CNTNAP2: variants seen among roughly 807,000 people sequenced by gnomAD.
The protein encoded by CNTNAP2 is contactin-associated protein-like 2.
A neutral mutation model predicts 155.2 loss-of-function variants in CNTNAP2; 98 were observed. That is an observed-to-expected ratio of 0.63 (90% CI 0.54 to 0.75). The LOEUF is 0.75. Ranked by LOEUF, CNTNAP2 falls within the 30% of genes least tolerant of loss-of-function variation. The pLI is 0.00. For missense variants in CNTNAP2, 1,727 were observed against 1,688.1 expected (o/e 1.02, Z -0.40); for synonymous variants, 651 against 631.2 (o/e 1.03, Z -0.47).
intron 10 of CNTNAP2, among the ~76,000 whole-genome samples, chr7:147,445,535 G>T (rs1277892172): frequency 6.6e-6 from 1 of 152,142 alleles, no homozygotes; most frequent in Non-Finnish European, 1.5e-5. Flanking sequence ...AATGTACTTA[G>T]CACTGTTTTG....
At chr7:146,307,184 A>G (rs1379983825) in intron 1 of CNTNAP2, among the ~76,000 whole-genome samples, 1 of 152,130 alleles carries the variant, frequency 6.6e-6, no homozygotes, top group East Asian at 1.9e-4. Flanking sequence ...ACACACCAAT[A>G]ACAGACAAAC....
At chr7:147,829,694 C>T (rs771005105) in intron 13 of CNTNAP2, among the ~76,000 whole-genome samples, 10 of 152,152 alleles carry the variant, frequency 6.6e-5, no homozygotes, top group Non-Finnish European at 1.5e-4. Context: ...CTACTACTTT[C>T]CAGTGTTAAA....
chr7:147,900,225 T>G (rs1799845250), intron 13 of CNTNAP2, among the ~76,000 whole-genome samples: 1 of 152,176 alleles, frequency 6.6e-6, no homozygotes, highest in Non-Finnish European at 1.5e-5. Context: ...GGTTTGGCTG[T>G]GTCCCCACCC....
intron 1 of CNTNAP2, among the ~76,000 whole-genome samples, chr7:146,761,455 A>C (rs1331335347): frequency 6.6e-6 from 1 of 152,120 alleles, no homozygotes; most frequent in African/African-American, 2.4e-5. Flanking sequence ...TCATTTATCC[A>C]AGAGAAAATG....
intron 1 of CNTNAP2, among the ~76,000 whole-genome samples, chr7:146,743,958 C>G (rs1029224817): frequency 6.6e-6 from 1 of 152,052 alleles, no homozygotes; most frequent in Admixed American, 6.5e-5. Context: ...AGTGGTGGCT[C>G]ATGCCTGTAA....
chr7:147,574,150 C>A (rs1412877046), intron 12 of CNTNAP2, among the ~76,000 whole-genome samples: 2 of 151,922 alleles, frequency 1.3e-5, no homozygotes, highest in African/African-American at 2.4e-5. Flanking sequence ...GTTCTTTTTT[C>A]TTCTTGAAAA....
chr7:147,815,863 C>T (rs1234975344), intron 13 of CNTNAP2, among the ~76,000 whole-genome samples: 1 of 152,190 alleles, frequency 6.6e-6, no homozygotes, highest in Non-Finnish European at 1.5e-5. Context: ...GTCACAGAAT[C>T]GAGTGATGTC....
At chr7:147,069,031 C>T (rs966310013) in intron 4 of CNTNAP2, among the ~76,000 whole-genome samples, 5 of 152,080 alleles carry the variant, frequency 3.3e-5, no homozygotes, top group South Asian at 2.1e-4. Flanking sequence ...TTTCACATGG[C>T]GAGAGAGGGA....
chr7:146,953,878 T>TA (rs1412392706), intron 3 of CNTNAP2, among the ~76,000 whole-genome samples: 2 of 152,008 alleles, frequency 1.3e-5, no homozygotes, highest in South Asian at 2.1e-4. Flanking sequence ...AATAATCAGG[T>TA]AAAAAAATAT....
chr7:147,806,898 A>G (rs2116600403), intron 13 of CNTNAP2, among the ~76,000 whole-genome samples: 1 of 152,308 alleles, frequency 6.6e-6, no homozygotes, highest in South Asian at 2.1e-4. Context: ...GTACAAAACT[A>G]CAGTTAGGTA....
intron 1 of CNTNAP2, among the ~76,000 whole-genome samples, chr7:146,517,458 T>C (rs113551231): frequency 4.1e-4 from 62 of 151,990 alleles, no homozygotes; most frequent in African/African-American, 1.4e-3. Flanking sequence ...CACAATAAAA[T>C]ATAAAGTGGG....
intron 9 of CNTNAP2, among the ~76,000 whole-genome samples, chr7:147,386,116 C>T (rs1796621251): frequency 6.6e-6 from 1 of 152,134 alleles, no homozygotes; most frequent in Non-Finnish European, 1.5e-5. Flanking sequence ...GACTGGGACA[C>T]AGGGCACCAA....
chr7:146,633,169 G>A (rs891127355), intron 1 of CNTNAP2, among the ~76,000 whole-genome samples: 2 of 152,034 alleles, frequency 1.3e-5, no homozygotes, highest in African/African-American at 2.4e-5. Context: ...TGTACACCCC[G>A]TAGATTATAC....
chr7:148,299,737 T>C (rs1423282944), intron 21 of CNTNAP2, among the ~76,000 whole-genome samples: 2 of 152,234 alleles, frequency 1.3e-5, no homozygotes, highest in Non-Finnish European at 2.9e-5. Flanking sequence ...AAAAGTGTAA[T>C]GTGCTCTAGA....
At chr7:148,089,529 TAAAGA>T (rs1316919119) in intron 15 of CNTNAP2, among the ~76,000 whole-genome samples, 1 of 151,308 alleles carries the variant, frequency 6.6e-6, no homozygotes, top group Non-Finnish European at 1.5e-5. Context: ...AAAAAGGAAA[TAAAGA>T]AAACAATTTC....
chr7:146,723,295 C>A (rs1801371074), intron 1 of CNTNAP2, among the ~76,000 whole-genome samples: 1 of 152,038 alleles, frequency 6.6e-6, no homozygotes, highest in African/African-American at 2.4e-5. Flanking sequence ...TAGAAGGGGA[C>A]AGGAAGGATC....
chr7:148,061,172 A>G (rs1221653305), intron 15 of CNTNAP2, among the ~76,000 whole-genome samples: 1 of 152,116 alleles, frequency 6.6e-6, no homozygotes, highest in Admixed American at 6.6e-5. Context: ...TATTAACATC[A>G]AAATTAATGT....
At chr7:147,131,113 T>TACCATATACATATATAC (rs1400210519) in intron 7 of CNTNAP2, among the ~76,000 whole-genome samples, 1 of 148,824 alleles carries the variant, frequency 6.7e-6, no homozygotes, top group Non-Finnish European at 1.5e-5. Flanking sequence ...CACATATATA[T>TACCATATACATATATAC]ACCATATACA....
intron 8 of CNTNAP2, among the ~76,000 whole-genome samples, chr7:147,162,542 A>G (rs374301878): frequency 1.3e-5 from 2 of 152,146 alleles, no homozygotes; most frequent in East Asian, 3.9e-4. Flanking sequence ...TATGCTGAAA[A>G]TATTTGTTTA....
Sources: gnomAD v4.1 joint callset for allele counts (sites outside exome capture counted in the v4.1 genomes callset) on GRCh38, gnomAD v4.1.1 for gene constraint, MANE v1.5 for transcripts, NCBI Gene and HGNC (gene_info 2026-07-23, HGNC 2026-07-21) for gene names.